Variants in NKAIN3 observed in about 807,000 individuals in gnomAD.
NKAIN3 encodes the protein sodium/potassium transporting ATPase interacting 3, also known as sodium/potassium-transporting ATPase subunit beta-1-interacting protein 3.
A neutral mutation model predicts 30.2 loss-of-function variants in NKAIN3; 25 were observed. That is an observed-to-expected ratio of 0.83 (90% CI 0.60 to 1.16). The LOEUF (loss-of-function observed/expected upper bound fraction) is 1.16. Ranked by LOEUF, NKAIN3 falls within the 50% of genes most tolerant of loss-of-function variation. The pLI is 0.00. For missense variants in NKAIN3, 225 were observed against 254.1 expected (o/e 0.89, Z 0.78); for synonymous variants, 91 against 89.6 (o/e 1.02, Z -0.09).
At chr8:62,878,450 C>T (rs2130810205) in intron 4 of NKAIN3, among the ~76,000 whole-genome samples, 1 of 152,200 alleles carries the variant, frequency 6.6e-6, no homozygotes, top group Non-Finnish European at 1.5e-5. Flanking sequence ...CTCGGACCCT[C>T]AATAAATACC....
chr8:62,650,464 A>G (rs1158293305), intron 3 of NKAIN3, among the ~76,000 whole-genome samples: 2 of 152,168 alleles, frequency 1.3e-5, no homozygotes, highest in Non-Finnish European at 2.9e-5. Flanking sequence ...AGAGAATTTA[A>G]TTTATGTTTT....
At chr8:62,724,201 C>A (rs1047408271) in intron 3 of NKAIN3, among the ~76,000 whole-genome samples, 3 of 151,958 alleles carry the variant, frequency 2.0e-5, no homozygotes, top group African/African-American at 7.2e-5. Flanking sequence ...AGAAAGTATG[C>A]TTATCCTCCC....
intron 4 of NKAIN3, among the ~76,000 whole-genome samples, chr8:62,779,873 C>G (rs1817303520): frequency 6.6e-6 from 1 of 151,784 alleles, no homozygotes; most frequent in South Asian, 2.1e-4. Context: ...ATTCAAACGA[C>G]CAAATAATGC....
intron 4 of NKAIN3, among the ~76,000 whole-genome samples, chr8:62,767,834 C>T (rs1449584236): frequency 1.3e-5 from 2 of 151,548 alleles, no homozygotes; most frequent in African/African-American, 4.9e-5. Flanking sequence ...AGAATGCACA[C>T]TAGATTTGGA....
At chr8:62,886,696 T>C (rs577413203) in intron 4 of NKAIN3, among the ~76,000 whole-genome samples, 1 of 152,330 alleles carries the variant, frequency 6.6e-6, no homozygotes, top group East Asian at 1.9e-4. Flanking sequence ...GGGATACATG[T>C]GCAGAACTTG....
intron 1 of NKAIN3, among the ~76,000 whole-genome samples, chr8:62,304,066 A>G (rs1814141226): frequency 6.6e-6 from 1 of 150,516 alleles, no homozygotes; most frequent in Admixed American, 6.6e-5. Context: ...ACCTGTTTTT[A>G]TATTTAAATT....
chr8:62,299,139 G>A (rs1043226483), intron 1 of NKAIN3, among the ~76,000 whole-genome samples: 7 of 152,008 alleles, frequency 4.6e-5, no homozygotes. Flanking sequence ...CTTAAAGTTA[G>A]TACAATGGTG....
intron 3 of NKAIN3, among the ~76,000 whole-genome samples, chr8:62,601,188 G>C (rs1810973678): frequency 6.6e-6 from 1 of 151,864 alleles, no homozygotes; most frequent in Admixed American, 6.6e-5. Context: ...AGGATATATA[G>C]CATCTTTCCT....
chr8:62,488,965 C>G (rs552886752), intron 1 of NKAIN3, among the ~76,000 whole-genome samples: 1 of 152,106 alleles, frequency 6.6e-6, no homozygotes. Flanking sequence ...AAATGGCAGG[C>G]GTGCTAAGTG....
At chr8:62,350,250 G>A (rs1816138301) in intron 1 of NKAIN3, among the ~76,000 whole-genome samples, 1 of 152,278 alleles carries the variant, frequency 6.6e-6, no homozygotes, top group Non-Finnish European at 1.5e-5. Context: ...TCAACAAAAT[G>A]TGGTACACAC....
chr8:62,318,280 GC>G (rs1814729791), intron 1 of NKAIN3, among the ~76,000 whole-genome samples: 1 of 152,078 alleles, frequency 6.6e-6, no homozygotes, highest in Non-Finnish European at 1.5e-5. Context: ...TTCCTCTCCT[GC>G]CTGATTGCCC....
At chr8:62,313,502 G>A (rs1814513844) in intron 1 of NKAIN3, among the ~76,000 whole-genome samples, 1 of 152,124 alleles carries the variant, frequency 6.6e-6, no homozygotes, top group Non-Finnish European at 1.5e-5. Context: ...TCACTAGGAT[G>A]TAAGTTGGAA....
intron 4 of NKAIN3, among the ~76,000 whole-genome samples, chr8:62,797,052 T>A (rs1031509183): frequency 1.3e-5 from 2 of 152,218 alleles, no homozygotes; most frequent in Non-Finnish European, 2.9e-5. Flanking sequence ...TGAAAATATC[T>A]TCTACCTATT....
At chr8:62,763,338 T>A (rs1445312149) in intron 4 of NKAIN3, among the ~76,000 whole-genome samples, 1 of 147,940 alleles carries the variant, frequency 6.8e-6, no homozygotes, top group African/African-American at 2.5e-5. Flanking sequence ...ACCTGGCTAC[T>A]CCAGTGGTTC....
At chr8:62,821,582 G>A (rs554468765) in intron 4 of NKAIN3, among the ~76,000 whole-genome samples, 21 of 151,994 alleles carry the variant, frequency 1.4e-4, no homozygotes, top group Non-Finnish European at 2.5e-4. Flanking sequence ...TTTTTGAATT[G>A]TGTCATTATT....
intron 4 of NKAIN3, among the ~76,000 whole-genome samples, chr8:62,869,158 A>G (rs572999981): frequency 3.3e-5 from 5 of 152,152 alleles, no homozygotes; most frequent in East Asian, 3.9e-4. Context: ...TTTTTAATAA[A>G]TTTTCCTTTA....
At chr8:62,399,613 T>C (rs1301410515) in intron 1 of NKAIN3, among the ~76,000 whole-genome samples, 1 of 152,116 alleles carries the variant, frequency 6.6e-6, no homozygotes, top group Non-Finnish European at 1.5e-5. Flanking sequence ...GTGTGGTAAA[T>C]ATTGAAAATA....
At chr8:62,597,281 C>G (rs921891025) in intron 3 of NKAIN3, among the ~76,000 whole-genome samples, 1 of 152,108 alleles carries the variant, frequency 6.6e-6, no homozygotes, top group Non-Finnish European at 1.5e-5. Flanking sequence ...GCCTGGAAAG[C>G]CGCTTCTGCT....
At chr8:62,996,468 A>G (rs1398677514) in intron 5 of NKAIN3, among the ~76,000 whole-genome samples, 2 of 152,272 alleles carry the variant, frequency 1.3e-5, no homozygotes, top group East Asian at 1.9e-4. Flanking sequence ...AAACCATATC[A>G]TTCTGCCCTG....
Sources: allele counts gnomAD v4.1 joint callset (sites outside exome capture counted in the v4.1 genomes callset), GRCh38; gene constraint gnomAD v4.1.1; transcripts MANE v1.5; gene names NCBI Gene and HGNC (gene_info 2026-07-23, HGNC 2026-07-21).